TTC3: variants seen among roughly 807,000 people sequenced by gnomAD.
The protein encoded by TTC3 is tetratricopeptide repeat domain 3.
TTC3 carries 180 observed loss-of-function variants against 249.6 expected under a neutral mutation model. That is an observed-to-expected ratio of 0.72 (90% confidence interval 0.64 to 0.82). The LOEUF (loss-of-function observed/expected upper bound fraction) is 0.82. Among genes scored for constraint, TTC3 ranks in the 40% least tolerant of loss-of-function variants. The pLI is 0.00. For missense variants in TTC3, 2,061 were observed against 2,398.4 expected (o/e 0.86, Z 2.94); for synonymous variants, 717 against 805.0 (o/e 0.89, Z 1.85).
chr21:37,201,870 G>A (rs1223063250), exon 46 of TTC3: 3 of 358,458 alleles, frequency 8.4e-6, no homozygotes, highest in African/African-American at 2.1e-5. Flanking sequence ...TGAACGTCTC[G>A]AAGCAGTATT....
At chr21:37,159,328 G>A (rs974467041) in intron 28 of TTC3, among the ~76,000 whole-genome samples, 1 of 152,016 alleles carries the variant, frequency 6.6e-6, no homozygotes, top group Non-Finnish European at 1.5e-5. Context: ...TTGTTGCCTT[G>A]TGTTTCACGT....
At chr21:37,191,998 G>A (rs2084193821) in intron 40 of TTC3, 114 bp from the exon 41 acceptor site, 1 of 637,282 alleles carries the variant, frequency 1.6e-6, no homozygotes, top group South Asian at 2.2e-5. Context: ...GTTTAATGAG[G>A]TCTTATTTTG....
chr21:37,201,606 T>C (rs1240271797), exon 46 of TTC3: 5 of 1,589,514 alleles, frequency 3.1e-6, no homozygotes, highest in Non-Finnish European at 4.3e-6. Flanking sequence ...TCCACCAGTG[T>C]GTTGAATCCG....
At chr21:37,109,670 C>T (rs2075446483) in intron 11 of TTC3, among the ~76,000 whole-genome samples, 1 of 152,260 alleles carries the variant, frequency 6.6e-6, no homozygotes, top group African/African-American at 2.4e-5. Context: ...GCAATAACCT[C>T]TGCAGACTTA....
At chr21:37,193,385 T>TG (rs1485543883) in intron 41 of TTC3, among the ~76,000 whole-genome samples, 1 of 151,792 alleles carries the variant, frequency 6.6e-6, no homozygotes, top group African/African-American at 2.4e-5. Context: ...AAATTAAGTG[T>TG]GGAAAAAGTG....
At chr21:37,158,533 T>A (rs1335405018) in intron 28 of TTC3, among the ~76,000 whole-genome samples, 1 of 152,188 alleles carries the variant, frequency 6.6e-6, no homozygotes, top group Non-Finnish European at 1.5e-5. Flanking sequence ...AATCTACTGA[T>A]CTTGTAGATC....
chr21:37,165,759 GGAA>G, exon 33 of TTC3: 1 of 1,613,452 alleles, frequency 6.2e-7, no homozygotes, highest in Non-Finnish European at 8.5e-7. Context: ...AAGAAAAAAA[GGAA>G]GAAGAAAAAC....
chr21:37,190,130 C>CTTTTTTTTTTTTTTT (rs138862573), intron 39 of TTC3, among the ~76,000 whole-genome samples: 9 of 65,048 alleles, frequency 1.4e-4, no homozygotes, highest in East Asian at 5.8e-4. Context: ...CTTTTTCTTT[C>CTTTTTTTTTTTTTTT]TTTTTTTTTT....
intron 11 of TTC3, among the ~76,000 whole-genome samples, chr21:37,111,347 G>A (rs775451724): frequency 1.5e-4 from 23 of 152,162 alleles, no homozygotes; most frequent in Non-Finnish European, 3.4e-4. Flanking sequence ...AAAATAAAGG[G>A]ATGGAGGAAG....
At chr21:37,175,903 G>A (rs922210441) in intron 35 of TTC3, among the ~76,000 whole-genome samples, 6 of 52 alleles carry the variant, frequency 0.12, no homozygotes, top group Admixed American at 0.2. Context: ...CTGGGTAGCT[G>A]GGATTACAGG....
chr21:37,144,511 A>G lies in TTC3; in HGVS notation c.1773-14A>G, dbSNP rs2078810392. The stretch of plus-strand genomic sequence containing the variant: ...TTTACATCTTTAATGCCTTTTTCAT[A>G]ATTATGACTTTAGATTTCTAGAAGC... On this transcript the variant is annotated splice_polypyrimidine_tract_variant and intron_variant, in intron 20 of 45. Transcript: ENST00000355666. 2 of 1,602,366 alleles carry G rather than the reference A, an allele frequency of 1.2e-6. No homozygotes were observed. Among genetic ancestry groups the G allele is most frequent in the South Asian group, 1.1e-5 (1 of 88,532 alleles).
At position 37,132,684 on chromosome 21, in the gene TTC3, C is replaced by A. The variant is rs777391460; in HGVS notation, c.1361C>A (p.Ser454Tyr). The A allele has an allele frequency of 1.7e-5, 27 of 1,587,296 alleles. No homozygotes were observed. Among genetic ancestry groups the A allele is most frequent in the East Asian group, 9.1e-5 (4 of 44,136 alleles). Reference sequence around the variant, plus strand: ...TAAAAATGCTTTTTTTCTTTTAGTTCTAGTTCACCATTGACTTTACCAGCA... The same window carrying A: ...TAAAAATGCTTTTTTTCTTTTAGTTATAGTTCACCATTGACTTTACCAGCA... Residue 454 changes from serine (S) to tyrosine (Y), a missense_variant and splice_region_variant, in exon 17 of 46, where the codon TCT becomes TAT. Ser to Tyr is a moderately radical substitution (Grantham distance 144). Transcript: ENST00000355666.
intron 1 of TTC3, among the ~76,000 whole-genome samples, chr21:37,075,288 A>G (rs1196694662): frequency 6.6e-6 from 1 of 151,998 alleles, no homozygotes; most frequent in Non-Finnish European, 1.5e-5. Context: ...TGAATATACC[A>G]TATTTATTTA....
intron 35 of TTC3, among the ~76,000 whole-genome samples, chr21:37,178,717 T>C (rs1443227797): frequency 1.3e-5 from 2 of 152,148 alleles, no homozygotes; most frequent in Non-Finnish European, 2.9e-5. Context: ...ACCAGCACTT[T>C]GAGAGACCAA....
intron 11 of TTC3, among the ~76,000 whole-genome samples, chr21:37,116,739 G>A (rs1212167768): frequency 6.6e-6 from 1 of 152,052 alleles, no homozygotes; most frequent in African/African-American, 2.4e-5. Context: ...CCCAGGAGAT[G>A]GAGGTTACAG....
At position 37,089,318 on chromosome 21, in the gene TTC3, G is replaced by T. The variant is rs927004702; in HGVS notation, c.426+432G>T. On this transcript the variant is annotated intron_variant, in intron 5 of 45. Transcript: ENST00000355666. ...ATTATGCTATTGAGATAAGTTGAGAGTTTTTGTGGTTTTTAATTTTTTTTT... is the reference window on the plus strand; with the variant it reads ...ATTATGCTATTGAGATAAGTTGAGATTTTTTGTGGTTTTTAATTTTTTTTT... Among the ~76,000 whole-genome samples the T allele has an allele frequency of 1.7e-4, 26 of 152,018 alleles. 1 individual carries two copies. Among genetic ancestry groups the T allele is most frequent in the African/African-American group, 6.3e-4 (26 of 41,382 alleles).
intron 8 of TTC3, among the ~76,000 whole-genome samples, 193 bp from the exon 9 acceptor site, chr21:37,095,157 G>GTGTGTGTC (rs2073795237): frequency 6.6e-6 from 1 of 151,788 alleles, no homozygotes; most frequent in African/African-American, 2.4e-5. Context: ...GTGTGTGTGT[G>GTGTGTGTC]TGTGTGTATA....
In TTC3 at chr21:37,197,873, T is replaced by C. The variant is rs745374013; in HGVS notation, c.5707-9T>C. The C allele has an allele frequency of 4.3e-6, 7 of 1,610,218 alleles. No homozygotes were observed. The highest frequency in any genetic ancestry group is 4.2e-6 in the Non-Finnish European group (5 of 1,178,946). ...TGTCCCCTCCCCGCCACCCCTGTTA[T>C]TTTCGCAGCCAAACCCAGGAAAGGA... is the stretch of plus-strand genomic sequence containing the variant. On this transcript the variant is annotated splice_polypyrimidine_tract_variant and intron_variant, in intron 43 of 45. Transcript: ENST00000355666.
At chr21:37,087,171 C>T in intron 1 of TTC3, 76 bp from the exon 2 acceptor site, 1 of 1,514,716 alleles carries the variant, frequency 6.6e-7, no homozygotes, top group East Asian at 2.3e-5. Context: ...TCTAATATAC[C>T]ATAGAAGCCA....
Sources: gnomAD v4.1 joint callset for allele counts (sites outside exome capture counted in the v4.1 genomes callset) on GRCh38, gnomAD v4.1.1 for gene constraint, MANE v1.5 for transcripts, NCBI Gene and HGNC (gene_info 2026-07-23, HGNC 2026-07-21) for gene names.